EYS: variants seen among roughly 807,000 people sequenced by gnomAD.
EYS encodes EGF-like photoreceptor maintenance factor.
In EYS, 250 loss-of-function variants were observed where a neutral mutation model predicts 282.1. The ratio of observed to expected loss-of-function variants is 0.89; its 90% CI spans 0.80 to 0.98. The LOEUF is 0.98. Among genes scored for constraint, EYS ranks in the 50% least tolerant of loss-of-function variants. The pLI, the probability that EYS is intolerant of heterozygous loss-of-function variation, is 0.00. For missense variants in EYS, 4,016 were observed against 3,709.0 expected, an observed-to-expected ratio of 1.08 and a Z score of -2.15; for synonymous variants, 1,355 against 1,282.9, an observed-to-expected ratio of 1.06 and a Z score of -1.20.
At chr6:65,609,463 T>C (rs916421686) in intron 2 of EYS, among the ~76,000 whole-genome samples, 1 of 152,120 alleles carries the variant, frequency 6.6e-6, no homozygotes, top group Non-Finnish European at 1.5e-5. Flanking sequence ...CTCTCCTTTT[T>C]CTAGATGAGA....
At chr6:64,322,871 G>A (rs957955161) in intron 29 of EYS, among the ~76,000 whole-genome samples, 8 of 151,974 alleles carry the variant, frequency 5.3e-5, no homozygotes, top group African/African-American at 1.4e-4. Context: ...AAAAGCCTGA[G>A]CACAATTTTG....
chr6:64,908,951 A>G (rs545984756), intron 16 of EYS, among the ~76,000 whole-genome samples: 1 of 152,274 alleles, frequency 6.6e-6, no homozygotes, highest in African/African-American at 2.4e-5. Context: ...TTTAACTTAT[A>G]GCTTGGCTTT....
intron 28 of EYS, among the ~76,000 whole-genome samples, chr6:64,411,925 G>GTATAGATGTTTATATATGCATGCATA (rs1561980315): frequency 1.7e-5 from 2 of 117,318 alleles, no homozygotes; most frequent in East Asian, 2.8e-4. Flanking sequence ...ATGCATGCAT[G>GTATAGATGTTTATATATGCATGCATA]TATGTATATA....
At chr6:63,976,243 A>C (rs1429849354) in intron 35 of EYS, among the ~76,000 whole-genome samples, 3 of 152,032 alleles carry the variant, frequency 2.0e-5, no homozygotes, top group Non-Finnish European at 4.4e-5. Flanking sequence ...GACTTTATAA[A>C]TACCATGCAC....
intron 15 of EYS, among the ~76,000 whole-genome samples, chr6:64,923,159 A>C (rs1012859458): frequency 2.6e-5 from 4 of 152,014 alleles, no homozygotes; most frequent in Non-Finnish European, 5.9e-5. Flanking sequence ...GGGGAAAAAA[A>C]GGTTTCATTG....
At chr6:65,257,070 T>G (rs1344132586) in intron 12 of EYS, among the ~76,000 whole-genome samples, 1 of 61,874 alleles carries the variant, frequency 1.6e-5, no homozygotes, top group East Asian at 4.3e-4. Flanking sequence ...AATGTCTTCT[T>G]TTGAGAAGTG....
intron 26 of EYS, among the ~76,000 whole-genome samples, chr6:64,581,207 G>A (rs1199207544): frequency 6.6e-6 from 1 of 152,134 alleles, no homozygotes; most frequent in Non-Finnish European, 1.5e-5. Flanking sequence ...AGAGTGATGG[G>A]AAACATCTAA....
chr6:64,758,064 G>A (rs1773015287), intron 22 of EYS, among the ~76,000 whole-genome samples: 1 of 152,118 alleles, frequency 6.6e-6, no homozygotes, highest in Admixed American at 6.5e-5. Flanking sequence ...GTGAGCCACT[G>A]TGCCCGGCCC....
intron 24 of EYS, among the ~76,000 whole-genome samples, chr6:64,608,908 G>C (rs1767018688): frequency 6.6e-6 from 1 of 152,156 alleles, no homozygotes; most frequent in South Asian, 2.1e-4. Flanking sequence ...AGGGGACAGA[G>C]GAATTCACAG....
At chr6:64,411,060 C>T (rs1370764983) in intron 28 of EYS, among the ~76,000 whole-genome samples, 2 of 151,966 alleles carry the variant, frequency 1.3e-5, no homozygotes, top group Non-Finnish European at 2.9e-5. Flanking sequence ...TTACACATTA[C>T]AAAGTGTATG....
At chr6:64,562,313 A>T (rs986450790) in intron 26 of EYS, among the ~76,000 whole-genome samples, 1 of 151,896 alleles carries the variant, frequency 6.6e-6, no homozygotes, top group Non-Finnish European at 1.5e-5. Context: ...AATATTTTTA[A>T]TGGCCAATAT....
At position 64,626,210 on chromosome 6, in the gene EYS, A is replaced by G. The variant is rs1767605230; in HGVS notation, c.3479T>C (p.Ile1160Thr). 1 of 1,532,048 alleles carries G rather than the reference A, an allele frequency of 6.5e-7. No individual in the cohort carries two copies. The highest frequency in any genetic ancestry group is 1.4e-5 in the African/African-American group (1 of 71,928). The allele number at this position is 1,532,048 out of a possible 1,614,324, so 94.9% of individuals were successfully genotyped here. The stretch of plus-strand genomic sequence containing the variant: ...TGATGAAGAGCATTCATTTATATTA[A>G]TTTCACAAAATTGACCAGAAAATCC... ...LPGFSGQFCE[I>T]NINECSSSPC... Residue 1160 changes from isoleucine to threonine, a missense_variant, in exon 23 of 43, where the codon ATT becomes ACT. Ile to Thr is a moderately conservative substitution (Grantham distance 89, BLOSUM62 -1). Coordinates refer to ENST00000503581, the MANE Select transcript of EYS (RefSeq NM_001142800.2).
At chr6:65,144,740 CAGAGTT>C (rs1000872485) in intron 12 of EYS, among the ~76,000 whole-genome samples, 5 of 151,486 alleles carry the variant, frequency 3.3e-5, no homozygotes, top group Admixed American at 6.6e-5. Flanking sequence ...CACAGAAGAA[CAGAGTT>C]ATTTTACCCA....
intron 2 of EYS, among the ~76,000 whole-genome samples, chr6:65,503,366 C>T (rs1474957735): frequency 1.3e-5 from 2 of 151,420 alleles, no homozygotes; most frequent in Non-Finnish European, 3.0e-5. Flanking sequence ...GATAAAAATC[C>T]TTTATCAGAT....
chr6:64,101,415 A>G (rs1286069623), intron 31 of EYS, among the ~76,000 whole-genome samples: 1 of 152,214 alleles, frequency 6.6e-6, no homozygotes, highest in Non-Finnish European at 1.5e-5. Flanking sequence ...TATAGAATAA[A>G]TAATGGTTTC....
In EYS at chr6:63,830,796, A is replaced by G. The variant is rs577177088; in HGVS notation, c.7229-24424T>C. Among the ~76,000 whole-genome samples, 16 of 152,344 alleles carry G rather than the reference A, an allele frequency of 1.1e-4. No homozygotes were observed. In the South Asian group the frequency reaches 2.9e-3, roughly 28 times the overall value. The stretch of plus-strand genomic sequence containing the variant: ...CACCAAAGTCGAAATGAAGGGAAAA[A>G]TGTTAAGGGCAGCCAGAGAGAAAGG... On this transcript the variant is annotated intron_variant, in intron 36 of 42. Coordinates refer to ENST00000503581, the MANE Select transcript of EYS (RefSeq NM_001142800.2).
chr6:65,284,059 A>C (rs1232505643), intron 12 of EYS, among the ~76,000 whole-genome samples: 2 of 152,112 alleles, frequency 1.3e-5, no homozygotes, highest in East Asian at 3.9e-4. Flanking sequence ...AAGAGTTGAA[A>C]GATTCTGGAG....
intron 5 of EYS, among the ~76,000 whole-genome samples, chr6:65,414,789 A>G (rs1767168795): frequency 1.3e-5 from 2 of 152,018 alleles, no homozygotes; most frequent in African/African-American, 4.8e-5. Flanking sequence ...AATATTTGAG[A>G]TTTGCCTGTA....
At chr6:64,260,251 G>T (rs1404108037) in intron 30 of EYS, among the ~76,000 whole-genome samples, 1 of 152,020 alleles carries the variant, frequency 6.6e-6, no homozygotes, top group African/African-American at 2.4e-5. Flanking sequence ...GCAGTTAGAA[G>T]CCTGGGTTAC....
Sources: allele counts gnomAD v4.1 joint callset (sites outside exome capture counted in the v4.1 genomes callset), GRCh38; gene constraint gnomAD v4.1.1; transcripts MANE v1.5; gene names NCBI Gene and HGNC (gene_info 2026-07-23, HGNC 2026-07-21).